The following PSMD1 variants were observed in gnomAD, a reference collection of about 807,000 sequenced individuals.
PSMD1 encodes 26S proteasome non-ATPase regulatory subunit 1.
In PSMD1, 18 loss-of-function variants were observed where a neutral mutation model predicts 119.0. The ratio of observed to expected loss-of-function variants is 0.15; its 90% CI spans 0.10 to 0.22. The LOEUF (loss-of-function observed/expected upper bound fraction) is 0.22. Ranked by LOEUF, PSMD1 falls within the 10% of genes least tolerant of loss-of-function variation. The probability of loss-of-function intolerance (pLI) is 1.00; values close to 1 mark genes in which losing one functional copy is unlikely to be tolerated. For missense variants in PSMD1, 702 were observed against 1,158.5 expected (o/e 0.61, Z 5.72); for synonymous variants, 374 against 396.6 (o/e 0.94, Z 0.68).
At chr2:231,112,976 G>C (rs1695206002) in intron 16 of PSMD1, among the ~76,000 whole-genome samples, 1 of 151,994 alleles carries the variant, frequency 6.6e-6, no homozygotes, top group African/African-American at 2.4e-5. Context: ...ACCAGCCTGG[G>C]CAACATGACA....
intron 4 of PSMD1, among the ~76,000 whole-genome samples, chr2:231,064,083 G>A (rs1693832829): frequency 6.6e-6 from 1 of 152,162 alleles, no homozygotes; most frequent in African/African-American, 2.4e-5. Flanking sequence ...AAGTGCTATG[G>A]CATGGTAGAT....
At chr2:231,171,718 G>C (rs186581239) in intron 24 of PSMD1, among the ~76,000 whole-genome samples, 1 of 151,896 alleles carries the variant, frequency 6.6e-6, no homozygotes, top group Admixed American at 6.6e-5. Context: ...CACCACACCC[G>C]GCTGATTTTG....
chr2:231,123,052 T>C (rs1451804786), intron 16 of PSMD1, among the ~76,000 whole-genome samples: 1 of 152,154 alleles, frequency 6.6e-6, no homozygotes, highest in African/African-American at 2.4e-5. Flanking sequence ...GTGTCCTAGT[T>C]ATTGCTTTGA....
chr2:231,164,130 G>T (rs1331450672), intron 21 of PSMD1, among the ~76,000 whole-genome samples: 1 of 152,024 alleles, frequency 6.6e-6, no homozygotes, highest in African/African-American at 2.4e-5. Flanking sequence ...TGTTTTACCA[G>T]TTTTTTCTTT....
chr2:231,088,543 T>C (rs1235121321), intron 16 of PSMD1, among the ~76,000 whole-genome samples: 2 of 152,372 alleles, frequency 1.3e-5, no homozygotes, highest in Middle Eastern at 3.4e-3. Context: ...TTATCTGTTA[T>C]GGTAATCTGT....
intron 19 of PSMD1, among the ~76,000 whole-genome samples, chr2:231,157,938 T>G (rs1696550729): frequency 6.6e-6 from 1 of 152,172 alleles, no homozygotes; most frequent in South Asian, 2.1e-4. Flanking sequence ...TTTTTCACTT[T>G]TTAATATCCT....
rs1247586749 is a variant in PSMD1 at position 231,057,072 on chromosome 2, G to A, written c.16+31G>A. Reference sequence around the variant, plus strand: ...TGCGGCCCGTAGCCAGCGCCTGGAGGGAGGAGCCGCCGCCGCGCCGGCTTT... The same window carrying A: ...TGCGGCCCGTAGCCAGCGCCTGGAGAGAGGAGCCGCCGCCGCGCCGGCTTT... On this transcript the variant is annotated intron_variant, in intron 1 of 24. Transcript: ENST00000308696. The A allele has an allele frequency of 3.3e-6, 5 of 1,495,814 alleles. 1 individual carries two copies. The African/African-American group carries it at 4.4e-5, about 13-fold the overall frequency. The allele number at this position is 1,495,814 out of a possible 1,614,324, so 92.7% of individuals were successfully genotyped here. A position where few individuals can be genotyped will look rare whatever the true frequency, so the allele number is the denominator to read the frequency against.
chr2:231,103,703 C>G (rs539094619), intron 16 of PSMD1, among the ~76,000 whole-genome samples: 2 of 152,234 alleles, frequency 1.3e-5, no homozygotes, highest in Admixed American at 1.3e-4. Context: ...GGAGGTGATT[C>G]ATTTAGCTTT....
At chr2:231,109,488 C>G in intron 16 of PSMD1, 1 of 1,244,420 alleles carries the variant, frequency 8.0e-7, no homozygotes, top group Non-Finnish European at 1.2e-6. Flanking sequence ...GGATTGTATC[C>G]TTATAACTTT....
intron 16 of PSMD1, among the ~76,000 whole-genome samples, chr2:231,128,996 A>G (rs900619156): frequency 2.0e-5 from 3 of 152,234 alleles, no homozygotes; most frequent in African/African-American, 7.2e-5. Flanking sequence ...CCTTTAATCA[A>G]AAGACTGCTA....
At chr2:231,085,170 C>T (rs1559224275) in intron 15 of PSMD1, 56 bp downstream of exon 15, 2 of 1,407,406 alleles carry the variant, frequency 1.4e-6, no homozygotes, top group Non-Finnish European at 2.0e-6. Flanking sequence ...TGCAGATGGA[C>T]AATAAGTGTC....
At chr2:231,143,069 A>C (rs1280682884) in intron 17 of PSMD1, among the ~76,000 whole-genome samples, 1 of 152,042 alleles carries the variant, frequency 6.6e-6, no homozygotes, top group African/African-American at 2.4e-5. Context: ...TTTTCGTCCC[A>C]GATTTATACC....
chr2:231,078,786 T>A, intron 10 of PSMD1, 39 bp downstream of exon 10: 4 of 1,183,452 alleles, frequency 3.4e-6, no homozygotes, highest in Non-Finnish European at 4.7e-6. Context: ...GTTCAAAATC[T>A]TTTTCTTTTT....
At chr2:231,130,737 C>T (rs1160956879) in intron 16 of PSMD1, among the ~76,000 whole-genome samples, 1 of 152,214 alleles carries the variant, frequency 6.6e-6, no homozygotes, top group African/African-American at 2.4e-5. Context: ...GCTGGGATTA[C>T]AGGCATGAGT....
intron 18 of PSMD1, among the ~76,000 whole-genome samples, chr2:231,150,892 C>A (rs187018146): frequency 6.3e-4 from 96 of 152,264 alleles, no homozygotes; most frequent in African/African-American, 2.2e-3. Context: ...AGGAGTAACA[C>A]TCAGATGATA....
intron 21 of PSMD1, 154 bp from the exon 22 acceptor site, chr2:231,165,034 TTATATATATATA>T (rs66656378): frequency 3.9e-3 from 85 of 22,040 alleles, no homozygotes; most frequent in Middle Eastern, 0.019. Context: ...TTATATATAT[TTATATATATATA>T]TATATATATA....
At chr2:231,106,030 T>C (rs1694966201) in intron 16 of PSMD1, among the ~76,000 whole-genome samples, 1 of 152,036 alleles carries the variant, frequency 6.6e-6, no homozygotes, top group Non-Finnish European at 1.5e-5. Flanking sequence ...TTTTTTTTTT[T>C]TTTCAAAATT....
At chr2:231,109,062 G>A (rs1456296256) in intron 16 of PSMD1, 1 of 1,614,098 alleles carries the variant, frequency 6.2e-7, no homozygotes, top group Non-Finnish European at 8.5e-7. Context: ...CTTCGCATAA[G>A]TGTTTCATCA....
intron 2 of PSMD1, among the ~76,000 whole-genome samples, chr2:231,061,549 C>CT (rs902446597): frequency 2.6e-5 from 4 of 151,880 alleles, no homozygotes; most frequent in Non-Finnish European, 4.4e-5. Flanking sequence ...TAATTTCTTT[C>CT]TTTTTTTTCT....
Sources: gnomAD v4.1 joint callset for allele counts (sites outside exome capture counted in the v4.1 genomes callset) on GRCh38, gnomAD v4.1.1 for gene constraint, MANE v1.5 for transcripts, NCBI Gene and HGNC (gene_info 2026-07-23, HGNC 2026-07-21) for gene names.